DLG2: variants seen among roughly 807,000 people sequenced by gnomAD.
DLG2 encodes disks large homolog 2.
In DLG2, 45 loss-of-function variants were observed where a neutral mutation model predicts 132.5. The observed-to-expected ratio is 0.34, with a 90% CI of 0.27 to 0.44. The LOEUF (loss-of-function observed/expected upper bound fraction) is 0.44. DLG2 is among the 20% of genes least tolerant of loss of function. The pLI, the probability that DLG2 is intolerant of heterozygous loss-of-function variation, is 1.00. For synonymous variants in DLG2, 424 were observed against 419.6 expected, an observed-to-expected ratio of 1.01 and a Z score of -0.13; for missense variants, 1,045 against 1,196.9, an observed-to-expected ratio of 0.87 and a Z score of 1.87.
intron 11 of DLG2, among the ~76,000 whole-genome samples, chr11:84,054,171 A>T: frequency 6.6e-6 from 1 of 152,086 alleles, no homozygotes; most frequent in Admixed American, 6.6e-5. Context: ...ACAGCATCTT[A>T]AAAGAAGTCA....
At chr11:85,543,658 G>C (rs1469230530) in intron 3 of DLG2, among the ~76,000 whole-genome samples, 1 of 152,138 alleles carries the variant, frequency 6.6e-6, no homozygotes, top group East Asian at 1.9e-4. Context: ...ATAGTTTCCT[G>C]ACTTTTTAAT....
intron 7 of DLG2, chr11:84,317,118 T>A (rs1227103794): frequency 7.4e-6 from 12 of 1,612,696 alleles, no homozygotes; most frequent in Non-Finnish European, 1.0e-5. Context: ...CGGCTGCAGC[T>A]GTGTTGCTTG....
At position 85,387,148 on chromosome 11, in the gene DLG2, A is replaced by G. The variant is rs188721510; in HGVS notation, c.41-101783T>C. 1.1e-3 allele frequency among the ~76,000 whole-genome samples: 172 copies of G among 152,272 alleles called. 1 individual carries two copies. The highest frequency in any genetic ancestry group is 2.2e-3 in the Non-Finnish European group (147 of 68,022). ...GGTGATCCACCTGCCTCAGACTCCC[A>G]AAGTGCTGGGATTACAGGTGTTAGC... On this transcript the variant is annotated intron_variant, in intron 3 of 27. Coordinates refer to ENST00000376104, the MANE Select transcript of DLG2 (RefSeq NM_001142699.3).
At chr11:83,836,932 A>T (rs2056333324) in intron 16 of DLG2, among the ~76,000 whole-genome samples, 1 of 151,662 alleles carries the variant, frequency 6.6e-6, no homozygotes. Flanking sequence ...GGAGGGAGAC[A>T]CAGAGCATTC....
chr11:84,993,102 A>G (rs750570017), intron 6 of DLG2, among the ~76,000 whole-genome samples: 8 of 152,238 alleles, frequency 5.3e-5, no homozygotes, highest in Non-Finnish European at 1.2e-4. Context: ...ACCATAAAAA[A>G]GAATGAGTTC....
intron 19 of DLG2, among the ~76,000 whole-genome samples, chr11:83,559,915 G>T (rs937318440): frequency 3.9e-5 from 6 of 152,106 alleles, no homozygotes; most frequent in South Asian, 2.1e-4. Context: ...AGGTAGAGCT[G>T]CCATACTCAC....
chr11:85,430,128 A>G (rs2091065911), intron 3 of DLG2, among the ~76,000 whole-genome samples: 2 of 148,574 alleles, frequency 1.3e-5, no homozygotes. Flanking sequence ...CAAACACCAC[A>G]TGTTCTCACT....
At chr11:83,989,844 G>A (rs1434256340) in intron 11 of DLG2, among the ~76,000 whole-genome samples, 1 of 152,168 alleles carries the variant, frequency 6.6e-6, no homozygotes, top group African/African-American at 2.4e-5. Flanking sequence ...ATTTGTGTAA[G>A]GAACACTTAA....
At chr11:85,414,598 T>C (rs1184078882) in intron 3 of DLG2, among the ~76,000 whole-genome samples, 1 of 151,972 alleles carries the variant, frequency 6.6e-6, no homozygotes. Flanking sequence ...ATTCTATATA[T>C]ATCTGTTAAG....
At chr11:84,530,775 A>G (rs1446527135) in intron 7 of DLG2, among the ~76,000 whole-genome samples, 1 of 152,230 alleles carries the variant, frequency 6.6e-6, no homozygotes, top group Non-Finnish European at 1.5e-5. Flanking sequence ...ATTATTGGAC[A>G]TATACTCAAA....
chr11:84,273,696 T>C (rs1193503088), intron 7 of DLG2, among the ~76,000 whole-genome samples: 3 of 152,206 alleles, frequency 2.0e-5, no homozygotes, highest in South Asian at 2.1e-4. Context: ...GTCGGTTATA[T>C]ACACACATAT....
intron 6 of DLG2, among the ~76,000 whole-genome samples, chr11:84,834,390 G>T (rs985526736): frequency 2.0e-5 from 3 of 151,478 alleles, no homozygotes; most frequent in Admixed American, 6.6e-5. Context: ...CAACTTTAAA[G>T]GTAAACAGCT....
intron 3 of DLG2, among the ~76,000 whole-genome samples, chr11:85,448,298 A>C (rs2092097121): frequency 6.6e-6 from 1 of 152,304 alleles, no homozygotes; most frequent in South Asian, 2.1e-4. Context: ...ATTCATTTTT[A>C]AAACACTACA....
chr11:84,278,856 G>A (rs1019084212), intron 7 of DLG2, among the ~76,000 whole-genome samples: 1 of 151,800 alleles, frequency 6.6e-6, no homozygotes, highest in Non-Finnish European at 1.5e-5. Flanking sequence ...GGGTACATGT[G>A]CAGAACATGT....
At chr11:85,151,706 G>C (rs765729576) in intron 5 of DLG2, among the ~76,000 whole-genome samples, 4 of 152,086 alleles carry the variant, frequency 2.6e-5, no homozygotes, top group Non-Finnish European at 1.5e-5. Context: ...ACATGCAAGG[G>C]TCTATTTCTG....
At chr11:85,235,933 A>T (rs2075563447) in intron 4 of DLG2, among the ~76,000 whole-genome samples, 1 of 151,846 alleles carries the variant, frequency 6.6e-6, no homozygotes, top group Non-Finnish European at 1.5e-5. Context: ...AATATAGTTT[A>T]TGAAGCATTA....
chr11:84,234,716 C>T (rs972209029), intron 8 of DLG2, among the ~76,000 whole-genome samples: 1 of 152,068 alleles, frequency 6.6e-6, no homozygotes, highest in African/African-American at 2.4e-5. Context: ...CCAGCATTAA[C>T]GTTACAATAG....
rs116726368 is a variant in DLG2 at position 85,437,862 on chromosome 11, C to T, written c.41-152497G>A. ...AGATAACCTTCATGAAAATTTTGGA[C>T]GTACTCACCCACACTATCTTCTAAA... On this transcript the variant is annotated intron_variant, in intron 3 of 27. Transcript: ENST00000376104. Among the ~76,000 whole-genome samples, 841 of 152,210 alleles carry T rather than the reference C, an allele frequency of 5.5e-3. 11 individuals carry two copies. Among genetic ancestry groups the T allele is most frequent in the African/African-American group, 0.019 (809 of 41,550 alleles).
chr11:85,328,741 T>G (rs1037618161), intron 3 of DLG2, among the ~76,000 whole-genome samples: 1 of 151,254 alleles, frequency 6.6e-6, no homozygotes, highest in African/African-American at 2.4e-5. Flanking sequence ...CTCTCACCGC[T>G]CCTATTCAAC....
Sources: gnomAD v4.1 joint callset for allele counts (sites outside exome capture counted in the v4.1 genomes callset) on GRCh38, gnomAD v4.1.1 for gene constraint, MANE v1.5 for transcripts, NCBI Gene and HGNC (gene_info 2026-07-23, HGNC 2026-07-21) for gene names.